Variants in APC observed in about 807,000 individuals in gnomAD.
APC encodes the protein APC regulator of Wnt signaling pathway.
APC carries 72 observed loss-of-function variants against 247.0 expected under a neutral mutation model. That is an observed-to-expected ratio of 0.29 (90% CI 0.24 to 0.35). The LOEUF is 0.35. APC is among the 10% of genes least tolerant of loss of function. The pLI is 1.00. For missense variants in APC, 3,400 were observed against 3,360.7 expected, an observed-to-expected ratio of 1.01 and a Z score of -0.29; for synonymous variants, 1,254 against 1,162.5, an observed-to-expected ratio of 1.08 and a Z score of -1.60.
intron 1 of APC, among the ~76,000 whole-genome samples, chr5:112,731,975 T>C (rs1471868603): frequency 6.6e-6 from 1 of 152,228 alleles, no homozygotes; most frequent in Non-Finnish European, 1.5e-5. Context: ...TTGGCCAGGC[T>C]GGTCTCAAAC....
intron 1 of APC, among the ~76,000 whole-genome samples, chr5:112,708,773 G>T (rs902639239): frequency 2.0e-5 from 3 of 152,156 alleles, no homozygotes; most frequent in African/African-American, 7.2e-5. Context: ...TTGTATTCTC[G>T]ATTGTTGTTA....
At chr5:112,716,898 A>G (rs909330591) in intron 1 of APC, among the ~76,000 whole-genome samples, 3 of 152,128 alleles carry the variant, frequency 2.0e-5, no homozygotes, top group African/African-American at 4.8e-5. Context: ...AGAAATTGCT[A>G]TCTATCTTAT....
rs1258499046 is a variant in APC, at chr5:112,845,305, T to A, written c.*1179T>A. Reference sequence around the variant, plus strand: ...TCATGTAATAGCAATGCAAGCAGCCTAGCACAGACTAAGCATTGAGCATAA... The same window carrying A: ...TCATGTAATAGCAATGCAAGCAGCCAAGCACAGACTAAGCATTGAGCATAA... On this transcript the variant is annotated 3_prime_UTR_variant, in exon 16 of 16. Transcript: ENST00000257430. The A allele has an allele frequency of 1.3e-5, 3 of 232,648 alleles. No individual in the cohort carries two copies. The highest frequency in any genetic ancestry group is 6.6e-5 in the African/African-American group (3 of 45,296). 14.4% of individuals were successfully genotyped at this position (232,648 alleles called of 1,614,324 possible).
At chr5:112,722,601 T>G (rs1412968422) in intron 1 of APC, among the ~76,000 whole-genome samples, 1 of 151,924 alleles carries the variant, frequency 6.6e-6, no homozygotes, top group Non-Finnish European at 1.5e-5. Flanking sequence ...GAACTTCTGA[T>G]TGGCTTCAAG....
chr5:112,799,804 G>A (rs948180127), intron 7 of APC, among the ~76,000 whole-genome samples: 1 of 151,808 alleles, frequency 6.6e-6, no homozygotes. Flanking sequence ...ATGATTCGTT[G>A]ACACGCTAAA....
intron 8 of APC, 108 bp downstream of exon 8, chr5:112,801,491 C>A (rs1760824022): frequency 6.3e-6 from 5 of 796,090 alleles, no homozygotes; most frequent in Middle Eastern, 7.5e-4. Context: ...TTTCTTAGTC[C>A]TGAATGCATA....
intron 1 of APC, among the ~76,000 whole-genome samples, chr5:112,745,035 G>C (rs1294716607): frequency 6.6e-6 from 1 of 152,124 alleles, no homozygotes; most frequent in East Asian, 1.9e-4. Context: ...CATTACGTGA[G>C]ATATTGTAAG....
At chr5:112,768,195 C>T (rs1673042399) in intron 4 of APC, among the ~76,000 whole-genome samples, 1 of 151,864 alleles carries the variant, frequency 6.6e-6, no homozygotes, top group African/African-American at 2.4e-5. Context: ...AGGCATGTGC[C>T]ACCACGCCTG....
At chr5:112,771,892 C>G (rs1261538617) in intron 4 of APC, among the ~76,000 whole-genome samples, 1 of 152,160 alleles carries the variant, frequency 6.6e-6, no homozygotes, top group Non-Finnish European at 1.5e-5. Flanking sequence ...AGGACTTAAA[C>G]CCAGCTTGTA....
chr5:112,825,502 G>A (rs920248679), intron 11 of APC, among the ~76,000 whole-genome samples: 1 of 152,108 alleles, frequency 6.6e-6, no homozygotes, highest in African/African-American at 2.4e-5. Flanking sequence ...CCTTTCACAT[G>A]CTGTTTCCTT....
chr5:112,824,450 G>C (rs918010131), intron 11 of APC, among the ~76,000 whole-genome samples: 1 of 151,994 alleles, frequency 6.6e-6, no homozygotes, highest in Non-Finnish European at 1.5e-5. Flanking sequence ...AAATTTTTTT[G>C]AATGTTCTTT....
chr5:112,816,360 A>T (rs1044586786), intron 9 of APC, among the ~76,000 whole-genome samples: 1 of 152,244 alleles, frequency 6.6e-6, no homozygotes, highest in Non-Finnish European at 1.5e-5. Flanking sequence ...GTGCCTGCAC[A>T]TGAGTAAATA....
intron 1 of APC, among the ~76,000 whole-genome samples, chr5:112,717,959 A>G (rs79246451): frequency 0.084 from 5,641 of 67,532 alleles, 253 homozygotes; most frequent in East Asian, 0.22. Flanking sequence ...ACCTCAAGGC[A>G]TTGTTCTGGA....
chr5:112,754,917 G>T lies in APC; in HGVS notation c.27G>T (p.Leu9Phe). 1 of 1,613,802 alleles carries T rather than the reference G, an allele frequency of 6.2e-7. No individual in the cohort carries two copies. Among genetic ancestry groups the T allele is most frequent in the South Asian group, 1.1e-5 (1 of 91,082 alleles). ...TGGCTGCAGCTTCATATGATCAGTT[G>T]TTAAAGCAAGTTGAGGCACTGAAGA... MAAASYDQ[L>F]LKQVEALKME... Residue 9 changes from leucine (L) to phenylalanine (F), a missense_variant, in exon 2 of 16, where the codon TTG (leucine) becomes TTT (phenylalanine). Transcript: ENST00000257430.
At chr5:112,772,881 A>G (rs1187179025) in intron 4 of APC, among the ~76,000 whole-genome samples, 1 of 152,174 alleles carries the variant, frequency 6.6e-6, no homozygotes, top group East Asian at 1.9e-4. Context: ...ATCACCATCT[A>G]TTTTATTCTT....
At chr5:112,787,832 G>T (rs188479125) in intron 6 of APC, among the ~76,000 whole-genome samples, 1 of 152,196 alleles carries the variant, frequency 6.6e-6, no homozygotes, top group East Asian at 1.9e-4. Flanking sequence ...TACTGAAGTC[G>T]TAAAGGTAAT....
chr5:112,762,534 G>T (rs189348053), intron 2 of APC, among the ~76,000 whole-genome samples: 9 of 152,218 alleles, frequency 5.9e-5, no homozygotes, highest in African/African-American at 2.2e-4. Context: ...GAACTGATAA[G>T]GCAACAGCAT....
chr5:112,730,596 T>G (rs1752051841), intron 1 of APC, among the ~76,000 whole-genome samples: 1 of 152,230 alleles, frequency 6.6e-6, no homozygotes, highest in African/African-American at 2.4e-5. Flanking sequence ...ATATTTATCA[T>G]GAAACTGATG....
chr5:112,840,548 T>A lies in APC; in HGVS notation c.4954T>A (p.Ser1652Thr). ...YCVEGTPINF[S>T]TATSLSDLTI... ...TGTTGAAGGGACACCTATAAACTTT[T>A]CCACAGCTACATCTCTAAGTGATCT... is the stretch of plus-strand genomic sequence containing the variant. Residue 1652 changes from serine (S) to threonine (T), a missense_variant, in exon 16 of 16, where the codon TCC (serine) becomes ACC (threonine). Ser to Thr is a moderately conservative substitution (Grantham distance 58, BLOSUM62 1). Transcript: ENST00000257430. The surrounding 1 kb of genome is among the most constrained non-coding windows in gnomAD (Gnocchi z 4.1). The A allele has an allele frequency of 6.2e-7, 1 of 1,614,176 alleles. No individual in the cohort carries two copies. Among genetic ancestry groups the A allele is most frequent in the South Asian group, 1.1e-5 (1 of 91,084 alleles).
Sources: allele counts gnomAD v4.1 joint callset (sites outside exome capture counted in the v4.1 genomes callset), GRCh38; gene constraint gnomAD v4.1.1; non-coding constraint Gnocchi (gnomAD v3.1); transcripts MANE v1.5; gene names NCBI Gene and HGNC (gene_info 2026-07-23, HGNC 2026-07-21).